KRI1: variants seen among roughly 807,000 people sequenced by gnomAD.
The protein encoded by KRI1 is protein KRI1 homolog.
KRI1 carries 83 observed loss-of-function variants against 97.0 expected under a neutral mutation model. That is an observed-to-expected ratio of 0.86 (90% CI 0.72 to 1.03). The LOEUF (loss-of-function observed/expected upper bound fraction) is 1.03, where lower values mean the gene tolerates loss of function less well. Ranked by LOEUF, KRI1 falls within the 50% of genes least tolerant of loss-of-function variation. KRI1 has a pLI of 0.00. For missense variants in KRI1, 916 were observed against 928.4 expected, an observed-to-expected ratio of 0.99 and a Z score of 0.17; for synonymous variants, 371 against 363.5, an observed-to-expected ratio of 1.02 and a Z score of -0.23.
chr19:10,565,810 T>TACC lies in KRI1; in HGVS notation c.95-21_95-20insGGT. On this transcript the variant is annotated intron_variant, in intron 1 of 18. Coordinates refer to ENST00000312962, the MANE Select transcript of KRI1 (RefSeq NM_023008.5). Reference sequence around the variant, plus strand: ...CCTTCACTGCGGGACACAGACGGGATGCCCCCCCCCAGGTCAGCCGGCGGG... The same window carrying TACC: ...CCTTCACTGCGGGACACAGACGGGATACCGCCCCCCCCCAGGTCAGCCGGCGGG... 6.8e-7 allele frequency: 1 copy of TACC among 1,476,872 alleles called. No homozygotes were observed. The highest frequency in any genetic ancestry group is 9.0e-7 in the Non-Finnish European group (1 of 1,111,248). The allele number at this position is 1,476,872 out of a possible 1,614,324, so 91.5% of individuals were successfully genotyped here. A position where few individuals can be genotyped will look rare whatever the true frequency, so the allele number is the denominator to read the frequency against.
rs779645811 is a variant in KRI1 at position 10,553,129 on chromosome 19, G to A, written c.*822C>T. ...TTTTTTTATTTATGTCATGTCGGGT[G>A]TGGGATCTTGAGCTCTGGCAGTGAT... On this transcript the variant is annotated 3_prime_UTR_variant, in exon 19 of 19. Transcript: ENST00000312962. 4.7e-6 allele frequency: 7 copies of A among 1,491,560 alleles called. No individual in the cohort carries two copies. Among genetic ancestry groups the A allele is most frequent in the East Asian group, 2.4e-5 (1 of 41,716 alleles). The allele number at this position is 1,491,560 out of a possible 1,614,324, so 92.4% of individuals were successfully genotyped here.
At position 10,564,978 on chromosome 19, in the gene KRI1, C is replaced by A. The variant is rs1916817406; in HGVS notation, c.225G>T (p.Lys75Asn). The A allele has an allele frequency of 1.2e-6, 2 of 1,613,848 alleles. No homozygotes were observed. Among genetic ancestry groups the A allele is most frequent in the African/African-American group, 1.3e-5 (1 of 74,892 alleles). ...CTTTCTGATAAATGCGGGGGTCCTT[C>A]TTCTTCAACAAGGAGAGCGTTTTGT... Reference protein sequence around the residue: ...DFYKTLSLLKKKDPRIYQKDA... With the variant: ...DFYKTLSLLKNKDPRIYQKDA... The change falls in exon 3 of 19, where the codon AAG becomes AAT. Residue 75 changes from lysine (K) to asparagine (N), a missense_variant. By Grantham distance (94) the Lys-to-Asn change is moderately conservative (BLOSUM62 0). Around this residue, in one of 3 missense-constraint regions of KRI1, gnomAD observed 173 missense variants for 153.1 expected, o/e 1.13. Transcript: ENST00000312962.
chr19:10,561,374 G>T (rs1916692476), intron 6 of KRI1, 109 bp from the exon 7 acceptor site: 2 of 1,025,498 alleles, frequency 2.0e-6, no homozygotes, highest in East Asian at 5.2e-5. Context: ...TGCCCAGGCT[G>T]ATCTTGAACT....
chr19:10,559,246 C>G, intron 12 of KRI1, 113 bp downstream of exon 12: 3 of 1,168,348 alleles, frequency 2.6e-6, no homozygotes, highest in Non-Finnish European at 3.6e-6. Flanking sequence ...CTCAGGTGAT[C>G]TGCCTGCCTT....
Position 10,554,237 on chromosome 19 carries a change from T to G in KRI1, c.1826A>C (p.Glu609Ala). The change falls in exon 19 of 19, where the codon GAA becomes GCA. Residue 609 changes from glutamate (E) to alanine (A), a missense_variant. Around this residue, in one of 3 missense-constraint regions of KRI1, gnomAD observed 672 missense variants for 667.2 expected, o/e 1.01. Coordinates refer to ENST00000312962, the MANE Select transcript of KRI1 (RefSeq NM_023008.5). ...AEATGKPQRD[E>A]AGPQRQLPAL... is the part of the protein sequence containing the mutation. ...TGGCAGCTGCCTCTGTGGGCCGGCT[T>G]CATCTCTCTGTGGCTTCCCTGTGGC... 6.2e-7 allele frequency: 1 copy of G among 1,614,084 alleles called. No homozygotes were observed. The highest frequency in any genetic ancestry group is 1.1e-5 in the South Asian group (1 of 91,090).
At chr19:10,561,916 A>G (rs1401389160) in intron 4 of KRI1, 71 bp from the exon 5 acceptor site, 1 of 1,398,392 alleles carries the variant, frequency 7.2e-7, no homozygotes, top group African/African-American at 1.4e-5. Context: ...CATGCGGAGC[A>G]GCTATTCCAA....
rs1384295811 is a variant in KRI1, at chr19:10,555,216, C to T, written c.1683-31G>A. ...GACAGATGCCCCTGTGTTGGGTGCT[C>T]TGGGAAGTGCCCGAGGCTGCCCGCC... On this transcript the variant is annotated intron_variant, in intron 17 of 18. Coordinates refer to ENST00000312962, the MANE Select transcript of KRI1 (RefSeq NM_023008.5). 5.0e-6 allele frequency: 8 copies of T among 1,613,660 alleles called. No individual in the cohort carries two copies. The South Asian group carries it at 8.8e-5, about 18-fold the overall frequency.
chr19:10,561,299 C>A (rs567769467), intron 6 of KRI1, 34 bp from the exon 7 acceptor site: 2 of 1,581,222 alleles, frequency 1.3e-6, no homozygotes, highest in Admixed American at 1.7e-5. Context: ...TCAGGACAGG[C>A]AGGCTGGCCC....
At chr19:10,565,832 C>T in intron 1 of KRI1, 42 bp from the exon 2 acceptor site, 1 of 1,547,030 alleles carries the variant, frequency 6.5e-7, no homozygotes, top group Non-Finnish European at 8.7e-7. Flanking sequence ...GGTCAGCCGG[C>T]GGGGCCACTC....
At position 10,559,870 on chromosome 19, in the gene KRI1, C is replaced by T. The variant is rs776953193; in HGVS notation, c.867G>A (p.Lys289=). The T allele has an allele frequency of 4.3e-6, 7 of 1,613,706 alleles. No homozygotes were observed. In the East Asian group the frequency reaches 1.6e-4, roughly 36 times the overall value. Residue 289 remains lysine (K), a synonymous_variant, in exon 10 of 19, where the codon AAG becomes AAA. Transcript: ENST00000312962. ...DSSDEGELFL[K]KQEDFEQKYN... ...ACTTCTGTTCAAAGTCCTCCTGTTT[C>T]TTCAGAAACAGCTCCCCTTCGTCTG...
At position 10,560,453 on chromosome 19, in the gene KRI1, G is replaced by T. The variant is rs1490384918; in HGVS notation, c.664-5C>A. 6.2e-7 allele frequency: 1 copy of T among 1,603,758 alleles called. No individual in the cohort carries two copies. Among genetic ancestry groups the T allele is most frequent in the East Asian group, 2.2e-5 (1 of 44,608 alleles). On this transcript the variant is annotated splice_polypyrimidine_tract_variant and splice_region_variant and intron_variant, in intron 8 of 18. Coordinates refer to ENST00000312962, the MANE Select transcript of KRI1 (RefSeq NM_023008.5). ...CCAGTATTCCTTGAGATGCGTCTGGGGGTGACAGGAGACAGGACTCTGGTC... is the reference window on the plus strand; with the variant it reads ...CCAGTATTCCTTGAGATGCGTCTGGTGGTGACAGGAGACAGGACTCTGGTC...
Position 10,565,628 on chromosome 19 carries a change from TG to T in KRI1, c.168+88del, listed in dbSNP as rs377686662. On this transcript the variant is annotated intron_variant, in intron 2 of 18. Transcript: ENST00000312962. ...ACGCTCCCGCAGGGCGCTCTGGGGTTGGGGGTTCCCCCCCGTCTACATCGGG... is the reference window on the plus strand; with the variant it reads ...ACGCTCCCGCAGGGCGCTCTGGGGTTGGGGTTCCCCCCCGTCTACATCGGG... 361 of 1,412,596 alleles carry T rather than the reference TG, an allele frequency of 2.6e-4. 1 individual carries two copies. In the African/African-American group the frequency reaches 5.7e-3, roughly 22 times the overall value. 87.5% of individuals were successfully genotyped at this position (1,412,596 alleles called of 1,614,324 possible). A position where few individuals can be genotyped will look rare whatever the true frequency, so the allele number is the denominator to read the frequency against.
chr19:10,559,204 C>T (rs1173914362), intron 12 of KRI1, among the ~76,000 whole-genome samples, 155 bp downstream of exon 12: 1 of 151,898 alleles, frequency 6.6e-6, no homozygotes, highest in Non-Finnish European at 1.5e-5. Flanking sequence ...GAGGTTTTAC[C>T]ATGTTGGCCA....
chr19:10,555,182 T>C lies in KRI1; in HGVS notation c.1686A>G (p.Ser562=). Reference sequence around the variant, plus strand: ...GCTTGTCCCGCAGCTCCTCCTGCTCTGACCTGCAGACAGATGCCCCTGTGT... The same window carrying C: ...GCTTGTCCCGCAGCTCCTCCTGCTCCGACCTGCAGACAGATGCCCCTGTGT... ...CSLKKTCMYR[S]EQEELRDKRA... Residue 562 remains serine (S), a synonymous_variant, in exon 18 of 19, where the codon TCA becomes TCG. Transcript: ENST00000312962. 6.2e-7 allele frequency: 1 copy of C among 1,614,194 alleles called. No individual in the cohort carries two copies. Among genetic ancestry groups the C allele is most frequent in the Non-Finnish European group, 8.5e-7 (1 of 1,180,010 alleles).
At position 10,565,722 on chromosome 19, in the gene KRI1, G is replaced by C. The variant is rs1471885826; in HGVS notation, c.163C>G (p.Arg55Gly). 1.9e-6 allele frequency: 3 copies of C among 1,565,566 alleles called. No individual in the cohort carries two copies. The highest frequency in any genetic ancestry group is 2.6e-6 in the Non-Finnish European group (3 of 1,156,788). ...GACGGGGCGGGGACGCGCACCACGC[G>C]CTCGTCGCTTGAGTCCGACTCGGAG... is the stretch of plus-strand genomic sequence containing the variant. ...SSSESDSSDE[R>G]VEFDPQQERD... Residue 55 changes from arginine to glycine, a missense_variant, in exon 2 of 19, where the codon CGC (arginine) becomes GGC (glycine). This residue lies in a region of KRI1 where 173 missense variants were observed against 153.1 expected (regional missense o/e 1.13). Transcript: ENST00000312962.
At chr19:10,558,089 G>A (rs776983054) in intron 13 of KRI1, 29 bp from the exon 14 acceptor site, 20 of 1,613,668 alleles carry the variant, frequency 1.2e-5, no homozygotes, top group East Asian at 2.2e-5. Flanking sequence ...GACAGGTGGG[G>A]CCAGGGTGGG....
At position 10,558,002 on chromosome 19, in the gene KRI1, C is replaced by G; in HGVS notation, c.1329G>C (p.Gln443His). ...GPEQEGDWSQ[Q>H]ELHCEDPNFN... ...AGTTGGGGTCCTCACAGTGCAGCTCCTGCTGGCTCCAGTCTCCCTCCTGCT... is the reference window on the plus strand; with the variant it reads ...AGTTGGGGTCCTCACAGTGCAGCTCGTGCTGGCTCCAGTCTCCCTCCTGCT... Residue 443 changes from glutamine to histidine, a missense_variant, in exon 14 of 19, where the codon CAG becomes CAC. Physicochemically the swap from Gln to His is conservative, Grantham distance 24. This residue lies in a region of KRI1 where 672 missense variants were observed against 667.2 expected (regional missense o/e 1.01). Transcript: ENST00000312962. The G allele has an allele frequency of 6.2e-7, 1 of 1,614,110 alleles. No homozygotes were observed. The highest frequency in any genetic ancestry group is 8.5e-7 in the Non-Finnish European group (1 of 1,180,010).
chr19:10,565,936 G>T lies in KRI1; in HGVS notation c.64C>A (p.Arg22Ser), dbSNP rs1282271636. The part of the protein sequence containing the change: ...VNAAFAARYN[R>S]YREREELQRL... ...TGCAGTTCCTCGCGCTCCCGGTAGCGGTTGTACCGCGCGGCAAACGCCGCG... is the reference window on the plus strand; with the variant it reads ...TGCAGTTCCTCGCGCTCCCGGTAGCTGTTGTACCGCGCGGCAAACGCCGCG... Residue 22 changes from arginine to serine, a missense_variant, in exon 1 of 19, where the codon CGC becomes AGC. Arg to Ser is a moderately radical substitution (Grantham distance 110). Around this residue, in one of 3 missense-constraint regions of KRI1, gnomAD observed 173 missense variants for 153.1 expected, o/e 1.13. Coordinates refer to ENST00000312962, the MANE Select transcript of KRI1 (RefSeq NM_023008.5). The T allele has an allele frequency of 6.5e-7, 1 of 1,532,934 alleles. No homozygotes were observed. The highest frequency in any genetic ancestry group is 2.0e-5 in the Admixed American group (1 of 49,952). 95.0% of individuals were successfully genotyped at this position (1,532,934 alleles called of 1,614,324 possible).
intron 16 of KRI1, 143 bp downstream of exon 16, chr19:10,557,409 A>G (rs1916534456): frequency 2.0e-6 from 2 of 991,834 alleles, no homozygotes; most frequent in Non-Finnish European, 1.5e-6. Flanking sequence ...GCCCAACCGA[A>G]TATTATCATT....
Sources: allele counts gnomAD v4.1 joint callset (sites outside exome capture counted in the v4.1 genomes callset), GRCh38; gene constraint gnomAD v4.1.1; regional missense constraint gnomAD v4.1.1; transcripts MANE v1.5; gene names NCBI Gene and HGNC (gene_info 2026-07-23, HGNC 2026-07-21).